Variants in JMJD1C observed in about 807,000 individuals in gnomAD.
JMJD1C encodes the protein jumonji domain containing 1C.
In JMJD1C, 31 loss-of-function variants were observed where a neutral mutation model predicts 245.3. The ratio of observed to expected loss-of-function variants is 0.13; its 90% CI spans 0.09 to 0.17. JMJD1C has a LOEUF of 0.17. Ranked by LOEUF, JMJD1C falls within the 10% of genes least tolerant of loss-of-function variation. The pLI, the probability that JMJD1C is intolerant of heterozygous loss-of-function variation, is 1.00. For missense variants in JMJD1C, 2,691 were observed against 3,000.2 expected (o/e 0.90, Z 2.41); for synonymous variants, 1,057 against 1,017.4 (o/e 1.04, Z -0.74).
chr10:63,213,092 A>G (rs1048560035), intron 8 of JMJD1C, among the ~76,000 whole-genome samples: 45 of 150,914 alleles, frequency 3.0e-4, no homozygotes, highest in African/African-American at 1.1e-3. Flanking sequence ...AGGCTGAGGC[A>G]GAAGAATTGC....
At chr10:63,481,965 G>A (rs1225298205) in intron 1 of JMJD1C, among the ~76,000 whole-genome samples, 2 of 152,112 alleles carry the variant, frequency 1.3e-5, no homozygotes, top group East Asian at 1.9e-4. Flanking sequence ...GATGTATGAC[G>A]AACTCACTGT....
chr10:63,218,303 G>A (rs1335255115), intron 4 of JMJD1C, among the ~76,000 whole-genome samples: 1 of 151,918 alleles, frequency 6.6e-6, no homozygotes, highest in African/African-American at 2.4e-5. Context: ...TCCTTTGCCA[G>A]CTTTAAATAT....
intron 11 of JMJD1C, 129 bp downstream of exon 11, chr10:63,200,344 TATA>T (rs1845881872): frequency 4.5e-6 from 3 of 673,020 alleles, no homozygotes; most frequent in Admixed American, 2.8e-5. Context: ...ATAACTCTTT[TATA>T]ATGTTTCCAA....
chr10:63,181,850 A>G (rs1264939104), intron 22 of JMJD1C, among the ~76,000 whole-genome samples: 1 of 152,232 alleles, frequency 6.6e-6, no homozygotes, highest in African/African-American at 2.4e-5. Context: ...TCACAGGATT[A>G]GAAAGGATAA....
intron 2 of JMJD1C, among the ~76,000 whole-genome samples, chr10:63,297,285 C>T (rs945699382): frequency 6.6e-6 from 1 of 152,154 alleles, no homozygotes; most frequent in African/African-American, 2.4e-5. Flanking sequence ...AGTGCTTTTT[C>T]CAGGCCCACC....
At chr10:63,477,223 G>T (rs1173321954) in intron 1 of JMJD1C, among the ~76,000 whole-genome samples, 2 of 150,198 alleles carry the variant, frequency 1.3e-5, no homozygotes. Context: ...TTTTTTTTTT[G>T]ACACCGACAA....
intron 1 of JMJD1C, among the ~76,000 whole-genome samples, chr10:63,399,468 T>C (rs777072169): frequency 2.6e-5 from 4 of 152,202 alleles, no homozygotes; most frequent in Non-Finnish European, 5.9e-5. Context: ...AGAATTAGTA[T>C]ACTGACACTT....
At chr10:63,328,512 T>A (rs1941786379) in intron 2 of JMJD1C, among the ~76,000 whole-genome samples, 1 of 152,242 alleles carries the variant, frequency 6.6e-6, no homozygotes, top group Non-Finnish European at 1.5e-5. Flanking sequence ...GTTTTGTCTG[T>A]ATTTCCAGTT....
chr10:63,261,555 T>C (rs543582097), intron 3 of JMJD1C, among the ~76,000 whole-genome samples: 1 of 151,984 alleles, frequency 6.6e-6, no homozygotes, highest in Non-Finnish European at 1.5e-5. Context: ...CACTCCAGCC[T>C]GAGCGACAGA....
intron 10 of JMJD1C, chr10:63,203,534 T>A: frequency 1.0e-6 from 1 of 972,004 alleles, no homozygotes; most frequent in Non-Finnish European, 1.2e-6. Flanking sequence ...AAACCACTGG[T>A]TTTGTATTGT....
chr10:63,360,105 T>C (rs544598036), intron 2 of JMJD1C, among the ~76,000 whole-genome samples: 57 of 152,172 alleles, frequency 3.7e-4, no homozygotes, highest in African/African-American at 1.3e-3. Flanking sequence ...AGGCCAACAG[T>C]TGAAGACCAG....
rs185948216 is a variant in JMJD1C at position 63,344,064 on chromosome 10, A to G, written c.333+36254T>C. Among the ~76,000 whole-genome samples, 223 of 152,126 alleles carry G rather than the reference A, an allele frequency of 1.5e-3. 2 individuals are homozygous for G. Among genetic ancestry groups the G allele is most frequent in the Non-Finnish European group, 3.5e-4 (24 of 67,982 alleles). ...AGAAACAAAACCAAACAAAACAAAT[A>G]TAGGATAGCCTAGGTATACAGCATT... On this transcript the variant is annotated intron_variant, in intron 2 of 25. Transcript: ENST00000399262.
At chr10:63,343,549 C>T (rs1421432393) in intron 2 of JMJD1C, among the ~76,000 whole-genome samples, 2 of 152,056 alleles carry the variant, frequency 1.3e-5, no homozygotes, top group Non-Finnish European at 2.9e-5. Flanking sequence ...TACATCGCTG[C>T]TTCTACTCTA....
At chr10:63,383,556 C>T (rs1418294680) in intron 1 of JMJD1C, among the ~76,000 whole-genome samples, 1 of 151,988 alleles carries the variant, frequency 6.6e-6, no homozygotes, top group East Asian at 1.9e-4. Flanking sequence ...AAAAATTAGC[C>T]AGGCATGGTG....
At chr10:63,328,092 T>C (rs1407627491) in intron 2 of JMJD1C, among the ~76,000 whole-genome samples, 1 of 151,992 alleles carries the variant, frequency 6.6e-6, no homozygotes, top group African/African-American at 2.4e-5. Context: ...CTGGCCAACA[T>C]GGCAAAACTC....
chr10:63,180,333 G>A (rs887290700), intron 22 of JMJD1C, among the ~76,000 whole-genome samples: 1 of 152,102 alleles, frequency 6.6e-6, no homozygotes, highest in African/African-American at 2.4e-5. Flanking sequence ...TGTTTACTAT[G>A]TGCGAGGCAC....
At chr10:63,174,134 T>G (rs892293016) in intron 24 of JMJD1C, among the ~76,000 whole-genome samples, 1 of 152,192 alleles carries the variant, frequency 6.6e-6, no homozygotes, top group Non-Finnish European at 1.5e-5. Context: ...GTCTGGCAGT[T>G]TCTTAAATTT....
chr10:63,192,983 A>G lies in JMJD1C; in HGVS notation c.6031T>C (p.Trp2011Arg). Residue 2011 changes from tryptophan to arginine, a missense_variant, in exon 16 of 26, where the codon TGG becomes CGG. This residue lies in a region of JMJD1C where 275 missense variants were observed against 285.5 expected (regional missense o/e 0.96). Transcript: ENST00000399262. ...TPPESQSPLH[W>R]LADLAEQKAR... ...TTTTGCTCTGCAAGATCTGCTAACC[A>G]GTGCAGTGGTGACTGGGATTCTGGA... The G allele has an allele frequency of 6.2e-7, 1 of 1,614,064 alleles. No homozygotes were observed. The highest frequency in any genetic ancestry group is 8.5e-7 in the Non-Finnish European group (1 of 1,180,012).
intron 2 of JMJD1C, among the ~76,000 whole-genome samples, chr10:63,360,171 GC>G (rs1234916542): frequency 1.3e-5 from 2 of 152,024 alleles, no homozygotes; most frequent in African/African-American, 4.8e-5. Context: ...AAAAAGATTT[GC>G]CAGGCATGGT....
Sources: allele counts gnomAD v4.1 joint callset (sites outside exome capture counted in the v4.1 genomes callset), GRCh38; gene constraint gnomAD v4.1.1; regional missense constraint gnomAD v4.1.1; transcripts MANE v1.5; gene names NCBI Gene and HGNC (gene_info 2026-07-23, HGNC 2026-07-21).